RAB40B: variants seen among roughly 807,000 people sequenced by gnomAD.
The protein encoded by RAB40B is RAB40B, member RAS oncogene family, also known as ras-related protein Rab-40B.
A neutral mutation model predicts 24.0 loss-of-function variants in RAB40B; 21 were observed. The observed-to-expected ratio is 0.88, with a 90% CI of 0.62 to 1.26. The LOEUF is 1.26. RAB40B is among the 50% of genes most tolerant of loss of function. RAB40B has a pLI of 0.00. For synonymous variants in RAB40B, 167 were observed against 169.8 expected, an observed-to-expected ratio of 0.98 and a Z score of 0.13; for missense variants, 348 against 390.5, an observed-to-expected ratio of 0.89 and a Z score of 0.92.
chr17:82,693,028 A>G (rs2046574040), intron 1 of RAB40B, among the ~76,000 whole-genome samples: 1 of 151,388 alleles, frequency 6.6e-6, no homozygotes, highest in African/African-American at 2.4e-5. Context: ...TTGGAGACAG[A>G]GTCCCACTCT....
chr17:82,698,321 C>A, intron 1 of RAB40B, 134 bp downstream of exon 1: 4 of 862,250 alleles, frequency 4.6e-6, no homozygotes, highest in Non-Finnish European at 6.0e-6. Flanking sequence ...CCCGGCCACG[C>A]GCCCCGGCCT....
intron 1 of RAB40B, among the ~76,000 whole-genome samples, chr17:82,683,748 G>A (rs1252784366): frequency 1.4e-5 from 2 of 147,940 alleles, no homozygotes; most frequent in Non-Finnish European, 3.0e-5. Flanking sequence ...AGACTGCAGT[G>A]AGCTATGACT....
Position 82,698,536 on chromosome 17 carries a change from C to T in RAB40B, c.61G>A (p.Gly21Ser). 1 of 1,529,454 alleles carries T rather than the reference C, an allele frequency of 6.5e-7. No homozygotes were observed. The highest frequency in any genetic ancestry group is 8.8e-7 in the Non-Finnish European group (1 of 1,133,606). The allele number at this position is 1,529,454 out of a possible 1,614,324, so 94.7% of individuals were successfully genotyped here. A position where few individuals can be genotyped will look rare whatever the true frequency, so the allele number is the denominator to read the frequency against. The stretch of plus-strand genomic sequence containing the variant: ...TCGCCCTTGCCCACGTCGCTGTCGC[C>T]CACCAGCAGGAACTTGAGCAGAAAG... ...YDFLLKFLLV[G>S]DSDVGKGEIL... is the part of the protein sequence containing the mutation. The change falls in exon 1 of 6, where the codon GGC becomes AGC. Residue 21 changes from glycine (G) to serine (S), a missense_variant. By Grantham distance (56) the Gly-to-Ser change is moderately conservative. This residue lies in a region of RAB40B where 101 missense variants were observed against 85.5 expected (regional missense o/e 1.18). Coordinates refer to ENST00000571995, the MANE Select transcript of RAB40B (RefSeq NM_006822.3).
intron 4 of RAB40B, 114 bp from the exon 5 acceptor site, chr17:82,658,827 A>G: frequency 1.1e-6 from 1 of 920,152 alleles, no homozygotes; most frequent in Non-Finnish European, 1.6e-6. Flanking sequence ...TCCACCCAGA[A>G]CCTCAGCATG....
At chr17:82,693,369 G>T (rs1282762385) in intron 1 of RAB40B, among the ~76,000 whole-genome samples, 1 of 152,160 alleles carries the variant, frequency 6.6e-6, no homozygotes, top group East Asian at 1.9e-4. Context: ...TCAGTCATCA[G>T]AGAAATGCAA....
intron 1 of RAB40B, among the ~76,000 whole-genome samples, chr17:82,673,370 C>T (rs1012129700): frequency 1.3e-5 from 2 of 152,232 alleles, no homozygotes; most frequent in African/African-American, 2.4e-5. Context: ...GGCATCTTTC[C>T]AGACCTTCTG....
chr17:82,658,250 G>A, intron 5 of RAB40B, 116 bp from the exon 6 acceptor site: 1 of 1,405,656 alleles, frequency 7.1e-7, no homozygotes, highest in East Asian at 2.4e-5. Flanking sequence ...CCGTGGCCCT[G>A]GCTTGTACAT....
rs1185233866 is a variant in RAB40B at position 82,698,668 on chromosome 17, G to A, written c.-72C>T. On this transcript the variant is annotated 5_prime_UTR_variant, in exon 1 of 6. Transcript: ENST00000571995. The stretch of plus-strand genomic sequence containing the variant: ...CGCAGAGGCGGCGGCCCGGCCCCGA[G>A]AGGCGCCGCGCGGGCCCCGAGTCCT... 2.0e-5 allele frequency: 23 copies of A among 1,126,638 alleles called. No homozygotes were observed. Among genetic ancestry groups the A allele is most frequent in the Middle Eastern group, 6.5e-4 (2 of 3,070 alleles). 69.8% of individuals were successfully genotyped at this position (1,126,638 alleles called of 1,614,324 possible).
In RAB40B at chr17:82,675,800, G is replaced by A. The variant is rs1448279910; in HGVS notation, c.143-11244C>T. On this transcript the variant is annotated intron_variant, in intron 1 of 5. Coordinates refer to ENST00000571995, the MANE Select transcript of RAB40B (RefSeq NM_006822.3). The surrounding 1 kb of genome is among the most constrained non-coding windows in gnomAD (Gnocchi z 4.5). ...CATCTTCTAACACCATCACCTTGGG[G>A]TTAGGTTTCAGCACCCGAATTTGGG... Among the ~76,000 whole-genome samples the A allele has an allele frequency of 6.6e-6, 1 of 152,132 alleles. No homozygotes were observed. The highest frequency in any genetic ancestry group is 2.4e-5 in the African/African-American group (1 of 41,416).
chr17:82,664,291 G>T (rs1421989956), intron 2 of RAB40B, among the ~76,000 whole-genome samples: 1 of 144,712 alleles, frequency 6.9e-6, no homozygotes, highest in Non-Finnish European at 1.5e-5. Context: ...GCTCCCCGGG[G>T]TGCTGTGCTG....
intron 3 of RAB40B, 89 bp from the exon 4 acceptor site, chr17:82,659,746 A>G: frequency 1.0e-6 from 1 of 994,828 alleles, no homozygotes; most frequent in South Asian, 1.4e-5. Context: ...CTAAATAACC[A>G]CTTTCCTTAT....
intron 1 of RAB40B, among the ~76,000 whole-genome samples, chr17:82,670,595 C>T (rs988049040): frequency 1.4e-5 from 2 of 147,274 alleles, no homozygotes; most frequent in Non-Finnish European, 3.0e-5. Context: ...AGTGCAGTGG[C>T]GCGATCTCAG....
intron 2 of RAB40B, chr17:82,661,254 T>C (rs1598294889): frequency 7.4e-7 from 1 of 1,343,278 alleles, no homozygotes; most frequent in East Asian, 2.8e-5. Context: ...CTCTTCTCTG[T>C]CATTTAAAAA....
chr17:82,658,798 A>T (rs2046122567), intron 4 of RAB40B, 85 bp from the exon 5 acceptor site: 1 of 1,257,306 alleles, frequency 8.0e-7, no homozygotes, highest in African/African-American at 1.5e-5. Context: ...TGGGTCGAGG[A>T]ACCCCCCACG....
intron 3 of RAB40B, among the ~76,000 whole-genome samples, chr17:82,660,150 GACGC>G (rs1017200656): frequency 9.3e-5 from 14 of 149,954 alleles, no homozygotes; most frequent in East Asian, 2.0e-4. Flanking sequence ...CTCATGCACA[GACGC>G]ACACAGTGCA....
At chr17:82,693,098 G>A (rs2046574872) in intron 1 of RAB40B, among the ~76,000 whole-genome samples, 3 of 151,962 alleles carry the variant, frequency 2.0e-5, no homozygotes, top group African/African-American at 2.4e-5. Flanking sequence ...CGCCTCCCGG[G>A]TTCAAGTGCT....
At chr17:82,695,442 G>T (rs1024948449) in intron 1 of RAB40B, among the ~76,000 whole-genome samples, 1 of 151,042 alleles carries the variant, frequency 6.6e-6, no homozygotes, top group Admixed American at 6.6e-5. Flanking sequence ...CGCCCACCTT[G>T]GCCTCCCCAA....
intron 1 of RAB40B, among the ~76,000 whole-genome samples, chr17:82,693,096 G>A (rs968401819): frequency 1.8e-4 from 28 of 151,834 alleles, no homozygotes; most frequent in African/African-American, 7.3e-5. Flanking sequence ...TCCGCCTCCC[G>A]GGTTCAAGTG....
Position 82,692,047 on chromosome 17 carries a change from G to A in RAB40B, c.142+6408C>T, listed in dbSNP as rs1372768824. On this transcript the variant is annotated intron_variant, in intron 1 of 5. Transcript: ENST00000571995. The surrounding 1 kb of genome is among the most constrained non-coding windows in gnomAD (Gnocchi z 4.0). ...GGGCTGAGGTGACAGGCAGAGCAGT[G>A]GGGCCCGCACGGTCCGTGGGCTGAG... 3.5e-5 allele frequency among the ~76,000 whole-genome samples: 5 copies of A among 144,866 alleles called. No individual in the cohort carries two copies. Among genetic ancestry groups the A allele is most frequent in the Admixed American group, 3.5e-4 (5 of 14,492 alleles).
Sources: allele counts gnomAD v4.1 joint callset (sites outside exome capture counted in the v4.1 genomes callset), GRCh38; gene constraint gnomAD v4.1.1; regional missense constraint gnomAD v4.1.1; non-coding constraint Gnocchi (gnomAD v3.1); transcripts MANE v1.5; gene names NCBI Gene and HGNC (gene_info 2026-07-23, HGNC 2026-07-21).